FOXP1: variants seen among roughly 807,000 people sequenced by gnomAD.
FOXP1 encodes forkhead box P1, also known as forkhead box protein P1.
A neutral mutation model predicts 98.2 loss-of-function variants in FOXP1; 15 were observed. The observed-to-expected ratio is 0.15, with a 90% CI of 0.10 to 0.24. FOXP1 has a LOEUF of 0.24. Ranked by LOEUF, FOXP1 falls within the 10% of genes least tolerant of loss-of-function variation. FOXP1 has a pLI of 1.00. For synonymous variants in FOXP1, 371 were observed against 314.5 expected, an observed-to-expected ratio of 1.18 and a Z score of -1.90; for missense variants, 633 against 848.5, an observed-to-expected ratio of 0.75 and a Z score of 3.15.
intron 4 of FOXP1, among the ~76,000 whole-genome samples, chr3:71,345,871 T>TAAAAAAAAAAAA (rs71120316): frequency 0.021 from 1,177 of 54,980 alleles, 160 homozygotes; most frequent in East Asian, 0.054. Flanking sequence ...AAAGTTTTTG[T>TAAAAAAAAAAAA]AAAAAAAAAA....
At chr3:71,044,853 C>T (rs1170644698) in intron 10 of FOXP1, among the ~76,000 whole-genome samples, 1 of 152,122 alleles carries the variant, frequency 6.6e-6, no homozygotes, top group Non-Finnish European at 1.5e-5. Flanking sequence ...CAGAGTTGAT[C>T]AACCTTTTTT....
intron 4 of FOXP1, among the ~76,000 whole-genome samples, chr3:71,316,667 T>G (rs1381591660): frequency 6.6e-6 from 1 of 151,716 alleles, no homozygotes; most frequent in Admixed American, 6.6e-5. Flanking sequence ...ATTCTTTTTT[T>G]TTTTTTTTTG....
chr3:71,439,550 A>G (rs2085708023), intron 3 of FOXP1, among the ~76,000 whole-genome samples: 1 of 152,244 alleles, frequency 6.6e-6, no homozygotes, highest in Admixed American at 6.5e-5. Flanking sequence ...TCATGGCACT[A>G]TTATTCACAA....
In FOXP1 at chr3:71,551,344, T is replaced by C. The variant is rs111600539; in HGVS notation, c.-298+30205A>G. ...TTGTTGATTCTGAACACAACAATAT[T>C]TAACTATCTTTTCCCCAAAATACTC... On this transcript the variant is annotated intron_variant, in intron 2 of 20. Transcript: ENST00000649528. 5.5e-3 allele frequency among the ~76,000 whole-genome samples: 841 copies of C among 152,348 alleles called. 11 individuals are homozygous for C. Among genetic ancestry groups the C allele is most frequent in the African/African-American group, 0.019 (802 of 41,586 alleles).
At chr3:71,207,644 G>A (rs544837707) in intron 5 of FOXP1, among the ~76,000 whole-genome samples, 2 of 152,092 alleles carry the variant, frequency 1.3e-5, no homozygotes, top group South Asian at 2.1e-4. Flanking sequence ...CACCCTGGTC[G>A]GTGTTGTATC....
intron 3 of FOXP1, among the ~76,000 whole-genome samples, chr3:71,441,361 A>C (rs1231305351): frequency 6.6e-6 from 1 of 152,254 alleles, no homozygotes; most frequent in African/African-American, 2.4e-5. Flanking sequence ...CCCACCGTGC[A>C]CAGCACAGAC....
rs561226116 is a variant in FOXP1 at position 71,110,634 on chromosome 3, A to C, written c.282+1902T>G. Among the ~76,000 whole-genome samples, 3 of 152,356 alleles carry C rather than the reference A, an allele frequency of 2.0e-5. No individual in the cohort carries two copies. The South Asian group carries it at 6.2e-4, about 32-fold the overall frequency. ...TGCCCCAGTACTTTAATATGTACCAACAATTGGCTATGTTATGGAATCTGC... is the reference window on the plus strand; with the variant it reads ...TGCCCCAGTACTTTAATATGTACCACCAATTGGCTATGTTATGGAATCTGC... On this transcript the variant is annotated intron_variant, in intron 7 of 20. Transcript: ENST00000649528.
chr3:71,247,594 G>T (rs1441439864), intron 5 of FOXP1, among the ~76,000 whole-genome samples: 1 of 152,226 alleles, frequency 6.6e-6, no homozygotes, highest in Non-Finnish European at 1.5e-5. Context: ...CCAGGCAGGA[G>T]ATTTTCTCCA....
chr3:70,974,224 A>T (rs1000966713), intron 17 of FOXP1, among the ~76,000 whole-genome samples: 12 of 152,274 alleles, frequency 7.9e-5, no homozygotes, highest in African/African-American at 2.6e-4. Context: ...CTAAACCGAA[A>T]ACATTTGGCA....
intron 6 of FOXP1, among the ~76,000 whole-genome samples, chr3:71,184,461 G>T (rs1353370438): frequency 1.3e-5 from 2 of 152,164 alleles, no homozygotes; most frequent in African/African-American, 4.8e-5. Context: ...TGTAAATCTG[G>T]TGTTTACATT....
At chr3:71,429,096 G>A (rs1308045241) in intron 3 of FOXP1, among the ~76,000 whole-genome samples, 1 of 152,186 alleles carries the variant, frequency 6.6e-6, no homozygotes, top group Non-Finnish European at 1.5e-5. Context: ...GGCACAGGCT[G>A]GGGACGAGAA....
At chr3:71,050,217 G>C (rs1411145897) in intron 9 of FOXP1, among the ~76,000 whole-genome samples, 2 of 152,136 alleles carry the variant, frequency 1.3e-5, no homozygotes, top group Non-Finnish European at 2.9e-5. Context: ...CAATTTGGGA[G>C]AGGTAACTTT....
intron 5 of FOXP1, among the ~76,000 whole-genome samples, chr3:71,296,718 G>C (rs190628415): frequency 6.6e-6 from 1 of 152,200 alleles, no homozygotes; most frequent in East Asian, 1.9e-4. Context: ...CTTGAAATCT[G>C]GTCCCCAATG....
At chr3:71,385,807 C>A (rs13070452) in intron 3 of FOXP1, among the ~76,000 whole-genome samples, 30,174 of 151,992 alleles carry the variant, frequency 0.2, 3,166 homozygotes, top group South Asian at 0.32. Flanking sequence ...CAGCCACTTT[C>A]TTTTCCCCGC....
At chr3:71,176,556 C>T (rs1048039574) in intron 6 of FOXP1, among the ~76,000 whole-genome samples, 2 of 151,916 alleles carry the variant, frequency 1.3e-5, no homozygotes, top group African/African-American at 4.8e-5. Context: ...GAGGCACTGC[C>T]GAATTTCTGC....
intron 6 of FOXP1, chr3:71,197,876 G>C (rs781167592): frequency 6.2e-7 from 1 of 1,613,744 alleles, no homozygotes; most frequent in Non-Finnish European, 8.5e-7. Flanking sequence ...AAAGCAGTGG[G>C]AACCATTTCT....
rs1311717174 is a variant in FOXP1, at chr3:71,337,404, T to C, written c.-73+21746A>G. Among the ~76,000 whole-genome samples the C allele has an allele frequency of 3.3e-5, 5 of 152,344 alleles. 1 individual carries two copies. The South Asian group carries it at 6.2e-4, about 19-fold the overall frequency. On this transcript the variant is annotated intron_variant, in intron 4 of 20. Coordinates refer to ENST00000649528, the MANE Select transcript of FOXP1 (RefSeq NM_001349338.3). The stretch of plus-strand genomic sequence containing the variant: ...CAGTGCTCAGTAGACAATGGCTACC[T>C]TTTATACAGTATGGAAATAGGACAT...
intron 11 of FOXP1, among the ~76,000 whole-genome samples, chr3:71,021,382 C>T (rs2045409212): frequency 6.6e-6 from 1 of 152,166 alleles, no homozygotes. Flanking sequence ...GTACTTTATT[C>T]CTTTTTGTAG....
intron 3 of FOXP1, among the ~76,000 whole-genome samples, chr3:71,370,799 T>G (rs1478213542): frequency 4.0e-5 from 1 of 25,266 alleles, no homozygotes; most frequent in Non-Finnish European, 1.1e-4. Context: ...TTTTTTGTTG[T>G]TTTTTTTTTT....
Sources: gnomAD v4.1 joint callset for allele counts (sites outside exome capture counted in the v4.1 genomes callset) on GRCh38, gnomAD v4.1.1 for gene constraint, MANE v1.5 for transcripts, NCBI Gene and HGNC (gene_info 2026-07-23, HGNC 2026-07-21) for gene names.